The following DLG2 variants were observed in gnomAD, a reference collection of about 807,000 sequenced individuals.
The protein encoded by DLG2 is discs large MAGUK scaffold protein 2.
In DLG2, 45 loss-of-function variants were observed where a neutral mutation model predicts 132.5. The ratio of observed to expected loss-of-function variants is 0.34; its 90% CI spans 0.27 to 0.44. The LOEUF (loss-of-function observed/expected upper bound fraction) is 0.44. Ranked by LOEUF, DLG2 falls within the 20% of genes least tolerant of loss-of-function variation. The pLI is 1.00. For missense variants in DLG2, 1,045 were observed against 1,196.9 expected (o/e 0.87, Z 1.87); for synonymous variants, 424 against 419.6 (o/e 1.01, Z -0.13).
At position 84,323,502 on chromosome 11, in the gene DLG2, G is replaced by A. The variant is rs75294172; in HGVS notation, c.520-72211C>T. Among the ~76,000 whole-genome samples the A allele has an allele frequency of 9.5e-3, 1,443 of 152,254 alleles. 16 individuals are homozygous for A. The highest frequency in any genetic ancestry group is 0.031 in the African/African-American group (1,284 of 41,540). On this transcript the variant is annotated intron_variant, in intron 7 of 27. Coordinates refer to ENST00000376104, the MANE Select transcript of DLG2 (RefSeq NM_001142699.3). ...ATTGTGAATAATGCTCAATGAACAT[G>A]AGAGTACAAATCTATATTTCAGATC...
At chr11:85,123,711 G>T (rs745328996) in intron 5 of DLG2, among the ~76,000 whole-genome samples, 1 of 152,200 alleles carries the variant, frequency 6.6e-6, no homozygotes, top group South Asian at 2.1e-4. Flanking sequence ...TCTCAAACCC[G>T]TTTCTCATAA....
intron 17 of DLG2, among the ~76,000 whole-genome samples, chr11:83,795,573 T>C (rs2042630271): frequency 2.0e-5 from 3 of 152,154 alleles, no homozygotes; most frequent in Admixed American, 6.6e-5. Flanking sequence ...AGTTGACTTC[T>C]AGTTGTGTTG....
chr11:83,522,907 TA>T (rs1341445134), intron 21 of DLG2, among the ~76,000 whole-genome samples: 2 of 151,862 alleles, frequency 1.3e-5, no homozygotes, highest in African/African-American at 4.8e-5. Context: ...TTTCAGATAT[TA>T]CACGTGCTAT....
At chr11:84,501,451 G>A (rs557240476) in intron 7 of DLG2, among the ~76,000 whole-genome samples, 3 of 152,164 alleles carry the variant, frequency 2.0e-5, no homozygotes, top group Non-Finnish European at 4.4e-5. Flanking sequence ...TGTAGTCCTA[G>A]ATACTCCAGA....
chr11:83,840,063 C>T (rs1347504366), intron 16 of DLG2, among the ~76,000 whole-genome samples: 1 of 152,220 alleles, frequency 6.6e-6, no homozygotes, highest in East Asian at 1.9e-4. Context: ...AGTCCCTGTG[C>T]TTCCCTGAGT....
intron 12 of DLG2, among the ~76,000 whole-genome samples, chr11:83,970,717 A>G (rs1408008953): frequency 6.6e-6 from 1 of 152,220 alleles, no homozygotes; most frequent in Non-Finnish European, 1.5e-5. Context: ...GTGTTGGCCT[A>G]TATAAAGTGA....
chr11:84,193,082 A>G lies in DLG2; in HGVS notation c.574-29571T>C, dbSNP rs1313896463. Among the ~76,000 whole-genome samples the G allele has an allele frequency of 2.6e-5, 4 of 152,248 alleles. No individual in the cohort carries two copies. The East Asian group carries it at 7.7e-4, about 29-fold the overall frequency. On this transcript the variant is annotated intron_variant, in intron 8 of 27. Transcript: ENST00000376104. ...ATGTAGTTGATAGGTCAGTTAATCAATTAGAATTTATTGAGCACCTAAGGT... is the reference window on the plus strand; with the variant it reads ...ATGTAGTTGATAGGTCAGTTAATCAGTTAGAATTTATTGAGCACCTAAGGT...
chr11:84,081,929 C>T (rs967873335), intron 10 of DLG2, among the ~76,000 whole-genome samples: 1 of 152,190 alleles, frequency 6.6e-6, no homozygotes, highest in East Asian at 1.9e-4. Context: ...GTTTACACTG[C>T]CACCAACAGT....
chr11:84,147,531 A>G (rs1415951995), intron 9 of DLG2, among the ~76,000 whole-genome samples: 1 of 152,204 alleles, frequency 6.6e-6, no homozygotes, highest in Non-Finnish European at 1.5e-5. Flanking sequence ...AAAACACTGT[A>G]ATTTCTTATC....
At chr11:84,389,105 G>A (rs2098782661) in intron 7 of DLG2, among the ~76,000 whole-genome samples, 1 of 152,108 alleles carries the variant, frequency 6.6e-6, no homozygotes, top group Non-Finnish European at 1.5e-5. Flanking sequence ...AATCTCTACA[G>A]CTAATGTTGC....
At chr11:85,140,524 A>C (rs1464190412) in intron 5 of DLG2, among the ~76,000 whole-genome samples, 1 of 151,740 alleles carries the variant, frequency 6.6e-6, no homozygotes, top group Non-Finnish European at 1.5e-5. Context: ...TAATGATCAC[A>C]TCAGGGTAAC....
intron 8 of DLG2, among the ~76,000 whole-genome samples, chr11:84,194,430 G>T (rs2096474786): frequency 6.6e-6 from 1 of 152,162 alleles, no homozygotes; most frequent in Admixed American, 6.5e-5. Context: ...GATCATAAAG[G>T]TGGCACAGAC....
intron 6 of DLG2, among the ~76,000 whole-genome samples, chr11:84,795,168 C>T (rs552073464): frequency 5.3e-5 from 8 of 152,344 alleles, no homozygotes; most frequent in Non-Finnish European, 1.0e-4. Context: ...CCCCAGACTT[C>T]GCCGGACTTG....
intron 26 of DLG2, among the ~76,000 whole-genome samples, chr11:83,463,149 C>T (rs191657671): frequency 1.6e-4 from 25 of 151,906 alleles, no homozygotes; most frequent in Admixed American, 9.2e-4. Context: ...GTGTATTTAA[C>T]GAAGAGTAAT....
chr11:84,218,999 A>G (rs1346180239), intron 8 of DLG2, among the ~76,000 whole-genome samples: 1 of 152,188 alleles, frequency 6.6e-6, no homozygotes, highest in African/African-American at 2.4e-5. Flanking sequence ...TGGTACCTTA[A>G]CTTGTATCTC....
chr11:83,661,569 G>A (rs1300664013), intron 18 of DLG2, among the ~76,000 whole-genome samples: 1 of 151,550 alleles, frequency 6.6e-6, no homozygotes, highest in Admixed American at 6.6e-5. Context: ...TTTTTTTTTG[G>A]TTAGAAACAG....
At chr11:84,465,252 C>A (rs2099091071) in intron 7 of DLG2, among the ~76,000 whole-genome samples, 1 of 151,156 alleles carries the variant, frequency 6.6e-6, no homozygotes, top group Non-Finnish European at 1.5e-5. Flanking sequence ...GCCAACCCAC[C>A]AAGATCACAG....
chr11:84,749,909 AT>A (rs1281652680), intron 6 of DLG2, among the ~76,000 whole-genome samples: 1 of 152,156 alleles, frequency 6.6e-6, no homozygotes, highest in Non-Finnish European at 1.5e-5. Flanking sequence ...TAAGGCAGAG[AT>A]TATTGCCTGT....
At chr11:84,959,722 C>T (rs559753124) in intron 6 of DLG2, among the ~76,000 whole-genome samples, 29 of 152,064 alleles carry the variant, frequency 1.9e-4, no homozygotes, top group Middle Eastern at 3.4e-3. Context: ...TATTTAATTG[C>T]GACTATAATG....
Sources: gnomAD v4.1 joint callset for allele counts (sites outside exome capture counted in the v4.1 genomes callset) on GRCh38, gnomAD v4.1.1 for gene constraint, MANE v1.5 for transcripts, NCBI Gene and HGNC (gene_info 2026-07-23, HGNC 2026-07-21) for gene names.